The following RASEF variants were observed in gnomAD, a reference collection of about 807,000 sequenced individuals.
RASEF encodes the protein ras and EF-hand domain-containing protein.
RASEF carries 68 observed loss-of-function variants against 90.1 expected under a neutral mutation model. The ratio of observed to expected loss-of-function variants is 0.75; its 90% CI spans 0.62 to 0.92. The LOEUF (loss-of-function observed/expected upper bound fraction) is 0.92, where lower values mean the gene tolerates loss of function less well. Ranked by LOEUF, RASEF falls within the 40% of genes least tolerant of loss-of-function variation. The pLI is 0.00. For missense variants in RASEF, 949 were observed against 937.2 expected (o/e 1.01, Z -0.16); for synonymous variants, 331 against 345.2 (o/e 0.96, Z 0.46).
the RASEF span, among the ~76,000 whole-genome samples, chr9:83,111,418 C>G: frequency 6.6e-6 from 1 of 151,944 alleles, no homozygotes; most frequent in East Asian, 1.9e-4. Flanking sequence ...GTTTCGGAGG[C>G]CTAAAATATA....
At chr9:83,182,536 G>C in the RASEF span, among the ~76,000 whole-genome samples, 1 of 151,980 alleles carries the variant, frequency 6.6e-6, no homozygotes, top group Non-Finnish European at 1.5e-5. Flanking sequence ...TGCGATTTAA[G>C]TATAATTTCA....
chr9:83,000,164 C>T lies in RASEF; in HGVS notation c.1723+5G>A, dbSNP rs1829001488. The T allele has an allele frequency of 2.5e-6, 4 of 1,611,648 alleles. No individual in the cohort carries two copies. The highest frequency in any genetic ancestry group is 3.4e-6 in the Non-Finnish European group (4 of 1,179,284). On this transcript the variant is annotated splice_donor_5th_base_variant and intron_variant, in intron 12 of 16. Coordinates refer to ENST00000376447, the MANE Select transcript of RASEF (RefSeq NM_152573.4). ...TCCCATTATCAACCGAAATACGAGC[C>T]ATACCCAGGGTGGCGCTTATATTTT... is the stretch of plus-strand genomic sequence containing the variant.
the RASEF span, among the ~76,000 whole-genome samples, chr9:83,192,773 T>C: frequency 1.4e-5 from 2 of 144,770 alleles, no homozygotes; most frequent in East Asian, 2.1e-4. Flanking sequence ...AAAAAGATAA[T>C]GACAACAGTG....
the RASEF span, among the ~76,000 whole-genome samples, chr9:83,129,512 T>C: frequency 6.6e-6 from 1 of 152,140 alleles, no homozygotes; most frequent in Non-Finnish European, 1.5e-5. Flanking sequence ...TTGTTATAAA[T>C]AGAGAGTATT....
chr9:82,985,388 T>A (rs1383989679), intron 16 of RASEF, among the ~76,000 whole-genome samples: 1 of 152,080 alleles, frequency 6.6e-6, no homozygotes, highest in Admixed American at 6.5e-5. Flanking sequence ...AGAGGAAAGA[T>A]CGGCCCCCAT....
chr9:83,135,636 A>G, the RASEF span, among the ~76,000 whole-genome samples: 1 of 152,162 alleles, frequency 6.6e-6, no homozygotes, highest in Admixed American at 6.5e-5. Context: ...TACAGTTAAT[A>G]TTTTCAATGT....
intron 12 of RASEF, 57 bp downstream of exon 12, chr9:83,000,112 A>T: frequency 2.0e-6 from 3 of 1,523,002 alleles, no homozygotes; most frequent in Non-Finnish European, 2.7e-6. Context: ...CCTGAAGAAG[A>T]GAAAATCAAG....
At chr9:83,041,151 G>A (rs1056989623) in intron 1 of RASEF, among the ~76,000 whole-genome samples, 3 of 152,180 alleles carry the variant, frequency 2.0e-5, no homozygotes, top group Admixed American at 1.3e-4. Context: ...ATGCGCCACC[G>A]TGCCCGGTGC....
the RASEF span, among the ~76,000 whole-genome samples, chr9:83,145,730 A>T: frequency 1.3e-5 from 2 of 152,186 alleles, no homozygotes; most frequent in Middle Eastern, 3.4e-3. Flanking sequence ...AAGAGGGGAA[A>T]ATGGGTAAAA....
the RASEF span, among the ~76,000 whole-genome samples, chr9:83,130,163 CT>C: frequency 6.6e-6 from 1 of 152,192 alleles, no homozygotes; most frequent in Non-Finnish European, 1.5e-5. Flanking sequence ...CATTTTACCC[CT>C]GAATCTCAGA....
intron 13 of RASEF, among the ~76,000 whole-genome samples, chr9:82,997,748 T>C (rs1334959811): frequency 1.3e-5 from 2 of 152,296 alleles, no homozygotes; most frequent in Admixed American, 6.5e-5. Context: ...TGCTAGAGAA[T>C]ATGAGCACCA....
chr9:83,157,803 T>C, the RASEF span, among the ~76,000 whole-genome samples: 1 of 152,214 alleles, frequency 6.6e-6, no homozygotes, highest in African/African-American at 2.4e-5. Context: ...ATCTAAAAAA[T>C]ATTTGATAAT....
At chr9:83,177,624 T>TA in the RASEF span, among the ~76,000 whole-genome samples, 2 of 151,858 alleles carry the variant, frequency 1.3e-5, no homozygotes, top group African/African-American at 4.8e-5. Context: ...TGTTTTTTTT[T>TA]TTATTTGTAT....
At chr9:83,085,747 A>C in the RASEF span, among the ~76,000 whole-genome samples, 49 of 152,092 alleles carry the variant, frequency 3.2e-4, 1 homozygote, top group Admixed American at 3.1e-3. Flanking sequence ...CAATATAGTG[A>C]AATCCCATCT....
the RASEF span, among the ~76,000 whole-genome samples, chr9:83,150,322 T>C: frequency 6.6e-6 from 1 of 152,138 alleles, no homozygotes; most frequent in Admixed American, 6.5e-5. Flanking sequence ...GAGGTTGAAG[T>C]GTGGTACTGA....
the RASEF span, among the ~76,000 whole-genome samples, chr9:83,202,512 G>A: frequency 1.3e-5 from 2 of 152,070 alleles, no homozygotes; most frequent in Admixed American, 6.5e-5. Context: ...GTCTCACTCC[G>A]TTGCCCAGGC....
chr9:83,082,856 A>G, the RASEF span, among the ~76,000 whole-genome samples: 1 of 152,226 alleles, frequency 6.6e-6, no homozygotes, highest in Non-Finnish European at 1.5e-5. Context: ...TGGAACTATT[A>G]TTAGAAAGAG....
At chr9:83,111,628 T>C in the RASEF span, among the ~76,000 whole-genome samples, 3 of 152,138 alleles carry the variant, frequency 2.0e-5, no homozygotes, top group Non-Finnish European at 4.4e-5. Flanking sequence ...ACAATTTTTA[T>C]TTGTCAATTA....
chr9:83,073,511 A>G, the RASEF span, among the ~76,000 whole-genome samples: 1 of 152,136 alleles, frequency 6.6e-6, no homozygotes, highest in African/African-American at 2.4e-5. Flanking sequence ...GCAGTGTACA[A>G]CCACTTCCTT....
Sources: allele counts gnomAD v4.1 joint callset (sites outside exome capture counted in the v4.1 genomes callset), GRCh38; gene constraint gnomAD v4.1.1; transcripts MANE v1.5; gene names NCBI Gene and HGNC (gene_info 2026-07-23, HGNC 2026-07-21).